The following RANBP10 variants were observed in gnomAD, a reference collection of about 807,000 sequenced individuals.
RANBP10 encodes ran-binding protein 10.
Under a neutral mutation model 72.8 loss-of-function variants are expected in RANBP10, and 24 were observed. The ratio of observed to expected loss-of-function variants is 0.33; its 90% CI spans 0.24 to 0.46. The LOEUF is 0.46. Ranked by LOEUF, RANBP10 falls within the 20% of genes least tolerant of loss-of-function variation. RANBP10 has a pLI of 1.00. For synonymous variants in RANBP10, 310 were observed against 322.3 expected (o/e 0.96, Z 0.41); for missense variants, 679 against 817.5 (o/e 0.83, Z 2.07).
chr16:67,744,075 TC>T, intron 4 of RANBP10: 2 of 983,868 alleles, frequency 2.0e-6, no homozygotes, highest in Non-Finnish European at 2.4e-6. Flanking sequence ...CTCAGCATCC[TC>T]CCTGGGCTGG....
chr16:67,785,324 C>A (rs1001976673), intron 2 of RANBP10, among the ~76,000 whole-genome samples: 1 of 151,830 alleles, frequency 6.6e-6, no homozygotes, highest in Non-Finnish European at 1.5e-5. Context: ...TAGAAGAAAG[C>A]GTAAGGGTAA....
At chr16:67,736,805 G>C (rs557633170) in intron 5 of RANBP10, among the ~76,000 whole-genome samples, 4 of 152,310 alleles carry the variant, frequency 2.6e-5, no homozygotes, top group African/African-American at 9.6e-5. Flanking sequence ...GGGCTTCCAG[G>C]TAAGAGGGAA....
At chr16:67,788,538 G>A (rs1376307720) in intron 2 of RANBP10, among the ~76,000 whole-genome samples, 2 of 150,016 alleles carry the variant, frequency 1.3e-5, no homozygotes. Context: ...ATTACAGCGT[G>A]AGCCAGCGCG....
chr16:67,769,126 C>T (rs1309979804), intron 3 of RANBP10, among the ~76,000 whole-genome samples: 1 of 152,106 alleles, frequency 6.6e-6, no homozygotes, highest in East Asian at 1.9e-4. Flanking sequence ...ATATATCCTA[C>T]AGATGATTCC....
rs773345505 is a variant in RANBP10 at position 67,729,444 on chromosome 16, G to C, written c.1188C>G (p.Thr396=). 6.2e-7 allele frequency: 1 copy of C among 1,613,656 alleles called. No individual in the cohort carries two copies. Among genetic ancestry groups the C allele is most frequent in the South Asian group, 1.1e-5 (1 of 91,052 alleles). Residue 396 remains threonine, a synonymous_variant, in exon 10 of 14, where the codon ACC becomes ACG. Coordinates refer to ENST00000317506, the MANE Select transcript of RANBP10 (RefSeq NM_020850.3). This position sits in a 1 kb window ranked among gnomAD's most constrained non-coding sequence, Gnocchi z 7.1. The part of the protein sequence containing the change: ...SPSCSNGVAS[T]KSKQNHSKYP... Reference sequence around the variant, plus strand: ...ATTTACTGTGGTTCTGTTTGCTCTTGGTGGACGCGACGCCATTGCTACAGC... The same window carrying C: ...ATTTACTGTGGTTCTGTTTGCTCTTCGTGGACGCGACGCCATTGCTACAGC...
intron 4 of RANBP10, among the ~76,000 whole-genome samples, chr16:67,742,876 T>C (rs902571492): frequency 6.6e-6 from 1 of 152,176 alleles, no homozygotes; most frequent in Admixed American, 6.5e-5. Flanking sequence ...AAGAGCTGTC[T>C]TGAGGCCCTG....
At chr16:67,791,715 C>T (rs1211271838) in intron 2 of RANBP10, among the ~76,000 whole-genome samples, 1 of 152,118 alleles carries the variant, frequency 6.6e-6, no homozygotes, top group Non-Finnish European at 1.5e-5. Context: ...TCAGAACCTG[C>T]CCCAGAAAAG....
chr16:67,734,653 AGGAGCAGCCCGGAGAAC>A (rs1475089471), intron 6 of RANBP10, among the ~76,000 whole-genome samples, 188 bp downstream of exon 6: 1 of 152,242 alleles, frequency 6.6e-6, no homozygotes, highest in African/African-American at 2.4e-5. Flanking sequence ...AGGTTTAATT[AGGAGCAGCCCGGAGAAC>A]TCGGTGGGAG....
chr16:67,783,579 G>A (rs2054852573), intron 2 of RANBP10, among the ~76,000 whole-genome samples: 1 of 152,126 alleles, frequency 6.6e-6, no homozygotes, highest in Admixed American at 6.5e-5. Context: ...CCACATATCA[G>A]GTTCCTTATT....
At chr16:67,775,345 T>C (rs997232685) in intron 2 of RANBP10, among the ~76,000 whole-genome samples, 3 of 151,982 alleles carry the variant, frequency 2.0e-5, no homozygotes, top group Non-Finnish European at 4.4e-5. Flanking sequence ...ACAGCTAACA[T>C]CATACTCAAT....
At chr16:67,779,175 G>A (rs1407206865) in intron 2 of RANBP10, among the ~76,000 whole-genome samples, 1 of 152,110 alleles carries the variant, frequency 6.6e-6, no homozygotes, top group Non-Finnish European at 1.5e-5. Flanking sequence ...AGGGCTGATT[G>A]TTTGAGACCA....
chr16:67,777,114 G>T (rs1329216159), intron 2 of RANBP10, among the ~76,000 whole-genome samples: 1 of 152,126 alleles, frequency 6.6e-6, no homozygotes, highest in Non-Finnish European at 1.5e-5. Context: ...GGAGGCTGAG[G>T]CAGGAGAATT....
chr16:67,786,017 T>TAA (rs111426578), intron 2 of RANBP10, among the ~76,000 whole-genome samples: 2 of 135,798 alleles, frequency 1.5e-5, no homozygotes, highest in Non-Finnish European at 3.2e-5. Context: ...TAATAATAAT[T>TAA]AAAAAAAAAA....
At chr16:67,756,027 C>A (rs1174368419) in intron 3 of RANBP10, among the ~76,000 whole-genome samples, 1 of 152,236 alleles carries the variant, frequency 6.6e-6, no homozygotes, top group East Asian at 1.9e-4. Context: ...AGTGCAGATG[C>A]TCTGGCACCA....
At chr16:67,757,328 C>A (rs1399771318) in intron 3 of RANBP10, among the ~76,000 whole-genome samples, 1 of 152,162 alleles carries the variant, frequency 6.6e-6, no homozygotes, top group Non-Finnish European at 1.5e-5. Flanking sequence ...GAATGGCCAC[C>A]GACGGCAGCC....
At chr16:67,727,253 T>C (rs979352482) in intron 13 of RANBP10, 74 bp downstream of exon 13, 1 of 1,391,224 alleles carries the variant, frequency 7.2e-7, no homozygotes, top group Non-Finnish European at 9.8e-7. Context: ...GAGCCAAGAT[T>C]GTGCCACTGC....
At chr16:67,731,151 G>A (rs548853163) in intron 7 of RANBP10, 32 of 312,708 alleles carry the variant, frequency 1.0e-4, no homozygotes, top group Middle Eastern at 1.1e-3. Context: ...ACAGGAGGTT[G>A]AGAGGAATCC....
intron 2 of RANBP10, among the ~76,000 whole-genome samples, chr16:67,794,930 T>TAAAAAAAAAAAAAAAAAAAA (rs1239858200): frequency 1.8e-5 from 1 of 54,288 alleles, no homozygotes; most frequent in Non-Finnish European, 4.1e-5. Context: ...TGCCTCAAAT[T>TAAAAAAAAAAAAAAAAAAAA]AAAAAAAAAA....
intron 2 of RANBP10, among the ~76,000 whole-genome samples, chr16:67,799,479 G>C (rs1352702054): frequency 6.6e-6 from 1 of 151,964 alleles, no homozygotes; most frequent in Non-Finnish European, 1.5e-5. Flanking sequence ...AGTAGAGACG[G>C]GGTTTCACCA....
Sources: gnomAD v4.1 joint callset for allele counts (sites outside exome capture counted in the v4.1 genomes callset) on GRCh38, gnomAD v4.1.1 for gene constraint, Gnocchi (gnomAD v3.1) non-coding constraint, MANE v1.5 for transcripts, NCBI Gene and HGNC (gene_info 2026-07-23, HGNC 2026-07-21) for gene names.